The following ZNF879 variants were observed in gnomAD, a reference collection of about 807,000 sequenced individuals.
ZNF879 encodes the protein zinc finger protein 879.
Under a neutral mutation model 44.3 loss-of-function variants are expected in ZNF879, and 32 were observed. The observed-to-expected ratio is 0.72, with a 90% CI of 0.54 to 0.97. The LOEUF (loss-of-function observed/expected upper bound fraction) is 0.97, where lower values mean the gene tolerates loss of function less well. Among genes scored for constraint, ZNF879 ranks in the 50% least tolerant of loss-of-function variants. The pLI, the probability that ZNF879 is intolerant of heterozygous loss-of-function variation, is 0.00. For synonymous variants in ZNF879, 234 were observed against 233.2 expected (o/e 1.00, Z -0.03); for missense variants, 621 against 669.7 (o/e 0.93, Z 0.80).
At chr5:179,026,635 A>G (rs930269362) in intron 2 of ZNF879, among the ~76,000 whole-genome samples, 22 of 152,330 alleles carry the variant, frequency 1.4e-4, no homozygotes, top group African/African-American at 5.3e-4. Flanking sequence ...GGCGCATGCC[A>G]CCACACCCAA....
intron 2 of ZNF879, among the ~76,000 whole-genome samples, chr5:179,025,471 T>C (rs1761238098): frequency 6.6e-6 from 1 of 152,064 alleles, no homozygotes; most frequent in African/African-American, 2.4e-5. Context: ...ACTATGGGCG[T>C]GAGCCACCGC....
rs1157410808 is a variant in ZNF879 at position 179,032,439 on chromosome 5, T to C, written c.491T>C (p.Leu164Pro). Residue 164 changes from leucine (L) to proline (P), a missense_variant, in exon 5 of 5, where the codon CTT becomes CCT. By Grantham distance (98) the Leu-to-Pro change is moderately conservative. Coordinates refer to ENST00000444149, the MANE Select transcript of ZNF879 (RefSeq NM_001136116.3). ...AAAGGTGTTGAATTTGGGAAAAATCTTGGTCTAAAATCATCGCTTATTAGA... is the reference window on the plus strand; with the variant it reads ...AAAGGTGTTGAATTTGGGAAAAATCCTGGTCTAAAATCATCGCTTATTAGA... The part of the protein sequence containing the change: ...SFKGVEFGKN[L>P]GLKSSLIRKP... The C allele has an allele frequency of 1.3e-6, 2 of 1,551,684 alleles. No individual in the cohort carries two copies. The highest frequency in any genetic ancestry group is 2.4e-5 in the East Asian group (1 of 40,910).
At chr5:179,028,714 A>T (rs1761339484) in intron 4 of ZNF879, among the ~76,000 whole-genome samples, 1 of 152,190 alleles carries the variant, frequency 6.6e-6, no homozygotes, top group Admixed American at 6.5e-5. Flanking sequence ...AAATTTAGAA[A>T]ATAATGCATC....
intron 1 of ZNF879, chr5:179,024,575 C>T (rs1430338314): frequency 6.3e-6 from 1 of 159,088 alleles, no homozygotes; most frequent in African/African-American, 2.4e-5. Flanking sequence ...TTGGCTGTTC[C>T]TAAAAAAGAG....
rs139300110 is a variant in ZNF879, at chr5:179,024,280, A to G, written c.-36+376A>G. ...TTCCCGGAGTTTAAACTTTAGATTTACTCGTTTTTGGCAGTCTTGCACGTT... is the reference window on the plus strand; with the variant it reads ...TTCCCGGAGTTTAAACTTTAGATTTGCTCGTTTTTGGCAGTCTTGCACGTT... On this transcript the variant is annotated intron_variant, in intron 1 of 4. Coordinates refer to ENST00000444149, the MANE Select transcript of ZNF879 (RefSeq NM_001136116.3). 8.5e-5 allele frequency among the ~76,000 whole-genome samples: 13 copies of G among 152,266 alleles called. No homozygotes were observed. The East Asian group carries it at 2.3e-3, about 27-fold the overall frequency.
chr5:179,033,355 A>G lies in ZNF879; in HGVS notation c.1407A>G (p.Ser469=). 3.2e-6 allele frequency: 5 copies of G among 1,563,580 alleles called. No homozygotes were observed. The highest frequency in any genetic ancestry group is 1.2e-5 in the South Asian group (1 of 85,370). Residue 469 remains serine (S), a synonymous_variant, in exon 5 of 5, where the codon TCA becomes TCG. Coordinates refer to ENST00000444149, the MANE Select transcript of ZNF879 (RefSeq NM_001136116.3). Reference sequence around the variant, plus strand: ...GTGGAAAAGCCTTCAGTTCCCACTCAGGCGTTAATACTCATCGAAAAATTC... The same window carrying G: ...GTGGAAAAGCCTTCAGTTCCCACTCGGGCGTTAATACTCATCGAAAAATTC... ...KECGKAFSSH[S]GVNTHRKIHT... is the part of the protein sequence containing the mutation.
chr5:179,027,608 C>A lies in ZNF879; in HGVS notation c.160+9C>A, dbSNP rs973615048. 45 of 1,613,658 alleles carry A rather than the reference C, an allele frequency of 2.8e-5. No homozygotes were observed. The highest frequency in any genetic ancestry group is 3.4e-5 in the Non-Finnish European group (40 of 1,179,856). On this transcript the variant is annotated intron_variant, in intron 3 of 4. Transcript: ENST00000444149. ...CATCCTGGTCTCACTGGGTAAGGAA[C>A]TTTCCTCCTGATGCAGAATCTGCCA...
rs540642540 is a variant in ZNF879, at chr5:179,032,742, G to A, written c.794G>A (p.Cys265Tyr). ...TGEKPYICSECGKAFSFTTSL... is the reference protein window; with the variant it reads ...TGEKPYICSEYGKAFSFTTSL... ...GAGAAACCTTATATATGTAGTGAATGTGGAAAAGCCTTCAGTTTCACCACA... is the reference window on the plus strand; with the variant it reads ...GAGAAACCTTATATATGTAGTGAATATGGAAAAGCCTTCAGTTTCACCACA... The change falls in exon 5 of 5, where the codon TGT (cysteine) becomes TAT (tyrosine). Residue 265 changes from cysteine (C) to tyrosine (Y), a missense_variant. By Grantham distance (194) the Cys-to-Tyr change is radical. Transcript: ENST00000444149. The A allele has an allele frequency of 1.9e-6, 3 of 1,554,898 alleles. No individual in the cohort carries two copies. Among genetic ancestry groups the A allele is most frequent in the African/African-American group, 1.4e-5 (1 of 73,220 alleles).
At chr5:179,030,402 AAAG>A (rs1193986090) in intron 4 of ZNF879, among the ~76,000 whole-genome samples, 1 of 152,234 alleles carries the variant, frequency 6.6e-6, no homozygotes, top group East Asian at 1.9e-4. Context: ...CACTGCCACA[AAAG>A]GAGGAGGGTA....
chr5:179,032,499 G>A lies in ZNF879; in HGVS notation c.551G>A (p.Arg184His), dbSNP rs776284344. 7.6e-5 allele frequency: 118 copies of A among 1,551,546 alleles called. No homozygotes were observed. In the Middle Eastern group the frequency reaches 1.0e-3, roughly 13 times the overall value. Reference protein sequence around the residue: ...PRIVSRGRRPRSQQYSVLFKQ... With the variant: ...PRIVSRGRRPHSQQYSVLFKQ... ...ATAGTTTCCAGAGGAAGGAGACCCC[G>A]TTCACAGCAGTATTCAGTTCTCTTT... is the stretch of plus-strand genomic sequence containing the variant. The change falls in exon 5 of 5, where the codon CGT becomes CAT. Residue 184 changes from arginine (R) to histidine (H), a missense_variant. Coordinates refer to ENST00000444149, the MANE Select transcript of ZNF879 (RefSeq NM_001136116.3).
At position 179,027,554 on chromosome 5, in the gene ZNF879, T is replaced by G; in HGVS notation, c.115T>G (p.Tyr39Asp). 1 of 1,614,158 alleles carries G rather than the reference T, an allele frequency of 6.2e-7. No homozygotes were observed. Among genetic ancestry groups the G allele is most frequent in the Non-Finnish European group, 8.5e-7 (1 of 1,180,022 alleles). ...CCTGGACTCTGCCCAGAGAGCCTTG[T>G]ACCGGGAGGTGATGCTGGAGAACTA... ...LHLDSAQRALYREVMLENYSI... is the reference protein window; with the variant it reads ...LHLDSAQRALDREVMLENYSI... The change falls in exon 3 of 5, where the codon TAC becomes GAC. Residue 39 changes from tyrosine to aspartate, a missense_variant. Tyr to Asp is a radical substitution (Grantham distance 160, BLOSUM62 -3). Transcript: ENST00000444149.
At chr5:179,024,839 C>G (rs1284017825) in intron 1 of ZNF879, 131 bp from the exon 2 acceptor site, 2 of 671,402 alleles carry the variant, frequency 3.0e-6, no homozygotes, top group Admixed American at 2.7e-5. Context: ...ACTTAGGGCC[C>G]CTCTGGCCTG....
rs771271410 is a variant in ZNF879 at position 179,032,705 on chromosome 5, G to T, written c.757G>T (p.Val253Phe). Residue 253 changes from valine to phenylalanine, a missense_variant, in exon 5 of 5, where the codon GTT (valine) becomes TTT (phenylalanine). Transcript: ENST00000444149. ...QSSSLTQHLR[V>F]HTGEKPYICS... is the part of the protein sequence containing the mutation. ...CTCATCCCTAACTCAGCACTTGAGG[G>T]TTCATACAGGAGAGAAACCTTATAT... 31 of 1,558,086 alleles carry T rather than the reference G, an allele frequency of 2.0e-5. No homozygotes were observed. Among genetic ancestry groups the T allele is most frequent in the African/African-American group, 5.5e-5 (4 of 72,994 alleles).
At chr5:179,025,112 C>A in intron 2 of ZNF879, 75 bp downstream of exon 2, 1 of 1,502,258 alleles carries the variant, frequency 6.7e-7, no homozygotes, top group Non-Finnish European at 9.1e-7. Context: ...TGTTGTTGAG[C>A]TTCTCTACCC....
In ZNF879 at chr5:179,033,456, A is replaced by G; in HGVS notation, c.1508A>G (p.Gln503Arg). 1 of 1,565,874 alleles carries G rather than the reference A, an allele frequency of 6.4e-7. No homozygotes were observed. Among genetic ancestry groups the G allele is most frequent in the South Asian group, 1.2e-5 (1 of 85,260 alleles). Residue 503 changes from glutamine (Q) to arginine (R), a missense_variant, in exon 5 of 5, where the codon CAG (glutamine) becomes CGG (arginine). Physicochemically the swap from Gln to Arg is conservative, Grantham distance 43 (BLOSUM62 1). Transcript: ENST00000444149. ...CAAAGCTCAGCTCTAATTCAGCACCAGAGAATTCATACTGGAGAGAAACCA... is the reference window on the plus strand; with the variant it reads ...CAAAGCTCAGCTCTAATTCAGCACCGGAGAATTCATACTGGAGAGAAACCA... ...FNQSSALIQH[Q>R]RIHTGEKPYN...
intron 4 of ZNF879, among the ~76,000 whole-genome samples, chr5:179,029,098 CTG>C (rs66801618): frequency 0.29 from 40,767 of 142,594 alleles, 6,189 homozygotes; most frequent in African/African-American, 0.42. Flanking sequence ...ATTCTGGCAT[CTG>C]TTTTTTTTTT....
At chr5:179,025,187 C>A in intron 2 of ZNF879, 150 bp downstream of exon 2, 1 of 831,126 alleles carries the variant, frequency 1.2e-6, no homozygotes, top group Non-Finnish European at 1.9e-6. Context: ...AGGTGTTTCC[C>A]TTGCCTCAGA....
intron 4 of ZNF879, among the ~76,000 whole-genome samples, chr5:179,028,746 A>G (rs4105175): frequency 0.62 from 93,562 of 151,990 alleles, 29,072 homozygotes; most frequent in East Asian, 0.84. Flanking sequence ...CTCCTAAGGC[A>G]TGTCACTTTT....
chr5:179,028,467 TG>T (rs920350539), intron 4 of ZNF879, among the ~76,000 whole-genome samples: 1 of 152,188 alleles, frequency 6.6e-6, no homozygotes, highest in Non-Finnish European at 1.5e-5. Flanking sequence ...AACATTACAT[TG>T]TTTTTTTTTA....
Sources: gnomAD v4.1 joint callset for allele counts (sites outside exome capture counted in the v4.1 genomes callset) on GRCh38, gnomAD v4.1.1 for gene constraint, MANE v1.5 for transcripts, NCBI Gene and HGNC (gene_info 2026-07-23, HGNC 2026-07-21) for gene names.